MTMR6: variants seen among roughly 807,000 people sequenced by gnomAD.
The protein encoded by MTMR6 is myotubularin related protein 6.
A neutral mutation model predicts 80.1 loss-of-function variants in MTMR6; 47 were observed. That is an observed-to-expected ratio of 0.59 (90% CI 0.46 to 0.75). The LOEUF is 0.75. Among genes scored for constraint, MTMR6 ranks in the 30% least tolerant of loss-of-function variants. MTMR6 has a pLI of 0.00. For synonymous variants in MTMR6, 254 were observed against 253.0 expected (o/e 1.00, Z -0.04); for missense variants, 629 against 730.9 (o/e 0.86, Z 1.61).
intron 5 of MTMR6, 36 bp downstream of exon 5, chr13:25,265,783 T>C (rs753533359): frequency 5.7e-6 from 9 of 1,583,206 alleles, no homozygotes; most frequent in South Asian, 3.4e-5. Context: ...AGATGAGTTA[T>C]ACTTTATTTC....
chr13:25,287,256 G>A lies in MTMR6; in HGVS notation c.-9C>T. The A allele has an allele frequency of 6.3e-7, 1 of 1,592,014 alleles. No individual in the cohort carries two copies. The highest frequency in any genetic ancestry group is 8.5e-7 in the Non-Finnish European group (1 of 1,172,010). ...GTCCGGATATGCTCCATCGCAAGGA[G>A]ACGTCAGCCGGCAGCCGGTCTCACA... On this transcript the variant is annotated 5_prime_UTR_variant, in exon 1 of 14. Transcript: ENST00000381801.
chr13:25,286,753 A>G lies in MTMR6; in HGVS notation c.24+471T>C, dbSNP rs1032978217. Among the ~76,000 whole-genome samples, 223 of 152,312 alleles carry G rather than the reference A, an allele frequency of 1.5e-3. 1 individual carries two copies. Among genetic ancestry groups the G allele is most frequent in the Non-Finnish European group, 2.1e-4 (14 of 68,022 alleles). On this transcript the variant is annotated intron_variant, in intron 1 of 13. Coordinates refer to ENST00000381801, the MANE Select transcript of MTMR6 (RefSeq NM_004685.5). ...GAGACAGCAAAGGGAGGTGGAGCGG[A>G]GTGCTGATCTCGGTTCCTCCAAAAC...
chr13:25,259,388 T>C (rs1957284391), intron 6 of MTMR6, among the ~76,000 whole-genome samples: 1 of 152,226 alleles, frequency 6.6e-6, no homozygotes, highest in Non-Finnish European at 1.5e-5. Flanking sequence ...AGGCTAGGAT[T>C]TCATATAGTA....
At chr13:25,278,100 T>G (rs1294508655) in intron 1 of MTMR6, among the ~76,000 whole-genome samples, 5 of 152,216 alleles carry the variant, frequency 3.3e-5, no homozygotes, top group African/African-American at 1.2e-4. Context: ...GAATCCGTAT[T>G]TTTCATAAGT....
chr13:25,248,089 G>A lies in MTMR6; in HGVS notation c.*1143C>T, dbSNP rs1447882870. 2.0e-5 allele frequency: 3 copies of A among 151,514 alleles called. No individual in the cohort carries two copies. Among genetic ancestry groups the A allele is most frequent in the Non-Finnish European group, 4.4e-5 (3 of 67,784 alleles). The allele number at this position is 151,514 out of a possible 1,614,324, so 9.4% of individuals were successfully genotyped here. A position where few individuals can be genotyped will look rare whatever the true frequency, so the allele number is the denominator to read the frequency against. On this transcript the variant is annotated 3_prime_UTR_variant, in exon 14 of 14. Coordinates refer to ENST00000381801, the MANE Select transcript of MTMR6 (RefSeq NM_004685.5). ...GTTGCTTTTGTTAAACAGTAACTTTGTACTAGAATCTCTTTTTTTTTCTAT... is the reference window on the plus strand; with the variant it reads ...GTTGCTTTTGTTAAACAGTAACTTTATACTAGAATCTCTTTTTTTTTCTAT...
chr13:25,275,323 GA>G (rs1957695152), intron 1 of MTMR6, among the ~76,000 whole-genome samples: 1 of 152,038 alleles, frequency 6.6e-6, no homozygotes, highest in Admixed American at 6.6e-5. Context: ...TTGGGAGGCT[GA>G]GGCAGGAGAA....
chr13:25,275,131 A>C (rs1305896192), intron 1 of MTMR6, among the ~76,000 whole-genome samples: 1 of 152,164 alleles, frequency 6.6e-6, no homozygotes, highest in African/African-American at 2.4e-5. Context: ...ACCAACCTAA[A>C]AAATGTTAAT....
chr13:25,266,063 C>G lies in MTMR6; in HGVS notation c.462+66G>C, dbSNP rs978657592. On this transcript the variant is annotated intron_variant, in intron 4 of 13. Transcript: ENST00000381801. ...ATTTCAGTACACAGACAACTTGCTACGCTGACACTCTCTAACCCTCTGGTA... is the reference window on the plus strand; with the variant it reads ...ATTTCAGTACACAGACAACTTGCTAGGCTGACACTCTCTAACCCTCTGGTA... The G allele has an allele frequency of 3.8e-6, 6 of 1,593,026 alleles. No homozygotes were observed. In the African/African-American group the frequency reaches 5.4e-5, roughly 14 times the overall value.
chr13:25,263,343 C>A (rs1488502428), intron 5 of MTMR6, among the ~76,000 whole-genome samples: 1 of 152,204 alleles, frequency 6.6e-6, no homozygotes, highest in African/African-American at 2.4e-5. Context: ...ACCAGATTCT[C>A]CCTTACCTTG....
chr13:25,280,675 T>G (rs1432869181), intron 1 of MTMR6, among the ~76,000 whole-genome samples: 1 of 152,174 alleles, frequency 6.6e-6, no homozygotes, highest in Non-Finnish European at 1.5e-5. Flanking sequence ...GCAACTACAA[T>G]TCTTTCTGGT....
At chr13:25,272,111 C>T (rs991370952) in intron 2 of MTMR6, among the ~76,000 whole-genome samples, 1 of 152,064 alleles carries the variant, frequency 6.6e-6, no homozygotes, top group Non-Finnish European at 1.5e-5. Context: ...GTCGTCTATA[C>T]GAAAACATAA....
At chr13:25,271,297 G>C (rs971142408) in intron 2 of MTMR6, among the ~76,000 whole-genome samples, 2 of 152,140 alleles carry the variant, frequency 1.3e-5, no homozygotes, top group African/African-American at 4.8e-5. Context: ...ACTGAGGAAA[G>C]CCTACCCACC....
At chr13:25,265,135 T>A (rs1957429081) in intron 5 of MTMR6, among the ~76,000 whole-genome samples, 1 of 152,158 alleles carries the variant, frequency 6.6e-6, no homozygotes, top group African/African-American at 2.4e-5. Context: ...ATCCTTTTGA[T>A]TTGAGCTTAC....
In MTMR6 at chr13:25,251,668, T is replaced by C; in HGVS notation, c.1586A>G (p.Asp529Gly). 3 of 1,516,284 alleles carry C rather than the reference T, an allele frequency of 2.0e-6. No homozygotes were observed. The highest frequency in any genetic ancestry group is 4.5e-5 in the East Asian group (2 of 44,200). The allele number at this position is 1,516,284 out of a possible 1,614,324, so 93.9% of individuals were successfully genotyped here. ...ACTTACAGATTCTAGGTCTTTAATA[T>C]CTTTCTCTAATTGTTTATTTTGCTC... is the stretch of plus-strand genomic sequence containing the variant. Reference protein sequence around the residue: ...MNEQNKQLEKDIKDLESKIKQ... With the variant: ...MNEQNKQLEKGIKDLESKIKQ... Residue 529 changes from aspartate to glycine, a missense_variant, in exon 13 of 14, where the codon GAT becomes GGT. Coordinates refer to ENST00000381801, the MANE Select transcript of MTMR6 (RefSeq NM_004685.5). This position sits in a 1 kb window ranked among gnomAD's most constrained non-coding sequence, Gnocchi z 4.1.
chr13:25,276,900 T>C (rs1416410091), intron 1 of MTMR6, among the ~76,000 whole-genome samples: 3 of 152,188 alleles, frequency 2.0e-5, no homozygotes, highest in African/African-American at 7.2e-5. Context: ...ACTAGTACTG[T>C]CCCCACAGAA....
chr13:25,252,568 G>A (rs1200216552), intron 11 of MTMR6, among the ~76,000 whole-genome samples: 1 of 152,328 alleles, frequency 6.6e-6, no homozygotes, highest in East Asian at 1.9e-4. Context: ...TATCCAGGGG[G>A]AAAGTGGAAA....
rs1468824974 is a variant in MTMR6 at position 25,249,444 on chromosome 13, C to A, written c.1654G>T (p.Glu552Ter). The A allele has an allele frequency of 6.2e-7, 1 of 1,613,948 alleles. No homozygotes were observed. Among genetic ancestry groups the A allele is most frequent in the South Asian group, 1.1e-5 (1 of 91,062 alleles). Reference sequence around the variant, plus strand: ...TCAGGATGAACTGAATGTAACAATTCCTTGGTGAGGATGCCATCTGTTTGC... The same window carrying A: ...TCAGGATGAACTGAATGTAACAATTACTTGGTGAGGATGCCATCTGTTTGC... ...NKQTDGILTK[E>*]LLHSVHPESP... Residue 552 changes from glutamate to a stop codon, truncating the protein, a stop_gained, in exon 14 of 14, where the codon GAA becomes TAA. Transcript: ENST00000381801. LOFTEE classifies it high-confidence loss of function.
At chr13:25,274,869 G>A (rs1269747654) in intron 1 of MTMR6, among the ~76,000 whole-genome samples, 1 of 151,404 alleles carries the variant, frequency 6.6e-6, no homozygotes, top group African/African-American at 2.4e-5. Flanking sequence ...TATGTCCTAT[G>A]CTGCTTTGGC....
At position 25,255,883 on chromosome 13, in the gene MTMR6, T is replaced by A. The variant is rs189509880; in HGVS notation, c.1095+1313A>T. Among the ~76,000 whole-genome samples the A allele has an allele frequency of 2.9e-3, 449 of 152,338 alleles. 2 individuals are homozygous for A. The highest frequency in any genetic ancestry group is 5.0e-3 in the Non-Finnish European group (338 of 68,032). On this transcript the variant is annotated intron_variant, in intron 9 of 13. Coordinates refer to ENST00000381801, the MANE Select transcript of MTMR6 (RefSeq NM_004685.5). The stretch of plus-strand genomic sequence containing the variant: ...ACCTCCCCCTTCACTTGTGTGTTAC[T>A]ATTTTAGTTTGGTAAAATTAAAAAC...
Sources: gnomAD v4.1 joint callset for allele counts (sites outside exome capture counted in the v4.1 genomes callset) on GRCh38, gnomAD v4.1.1 for gene constraint, Gnocchi (gnomAD v3.1) non-coding constraint, MANE v1.5 for transcripts, NCBI Gene and HGNC (gene_info 2026-07-23, HGNC 2026-07-21) for gene names.